The following XPO4 variants were observed in gnomAD, a reference collection of about 807,000 sequenced individuals.
The protein encoded by XPO4 is exportin-4.
In XPO4, 39 loss-of-function variants were observed where a neutral mutation model predicts 143.0. That is an observed-to-expected ratio of 0.27 (90% confidence interval 0.21 to 0.36). The LOEUF (loss-of-function observed/expected upper bound fraction) is 0.36, where lower values mean the gene tolerates loss of function less well. Ranked by LOEUF, XPO4 falls within the 10% of genes least tolerant of loss-of-function variation. The pLI is 1.00. For synonymous variants in XPO4, 439 were observed against 474.0 expected, an observed-to-expected ratio of 0.93 and a Z score of 0.96; for missense variants, 907 against 1,348.0, an observed-to-expected ratio of 0.67 and a Z score of 5.12.
chr13:20,855,047 TTATAA>T (rs1019829265), intron 4 of XPO4, among the ~76,000 whole-genome samples: 48 of 152,312 alleles, frequency 3.2e-4, no homozygotes, highest in African/African-American at 1.0e-3. Flanking sequence ...GCATATTAAC[TTATAA>T]TATTTTATAA....
chr13:20,816,821 C>T (rs1219143783), intron 9 of XPO4, among the ~76,000 whole-genome samples: 1 of 152,140 alleles, frequency 6.6e-6, no homozygotes, highest in Non-Finnish European at 1.5e-5. Flanking sequence ...TCTTTTAATA[C>T]GAATCTGTAT....
At chr13:20,886,677 A>G (rs562900389) in intron 1 of XPO4, among the ~76,000 whole-genome samples, 9 of 152,186 alleles carry the variant, frequency 5.9e-5, no homozygotes, top group Non-Finnish European at 1.0e-4. Flanking sequence ...TTTATTTGGA[A>G]TAACTAATAA....
At chr13:20,814,295 TAAAAGTATAACTA>T (rs58509355) in intron 9 of XPO4, among the ~76,000 whole-genome samples, 17,166 of 151,932 alleles carry the variant, frequency 0.11, 1,715 homozygotes, top group East Asian at 0.49. Context: ...TTCATATACA[TAAAAGTATAACTA>T]AAAAGTAAAA....
At chr13:20,901,053 G>A (rs2060616143) in intron 1 of XPO4, among the ~76,000 whole-genome samples, 1 of 152,178 alleles carries the variant, frequency 6.6e-6, no homozygotes, top group African/African-American at 2.4e-5. Context: ...GAGCCAGACA[G>A]AACTGAGTTC....
intron 7 of XPO4, among the ~76,000 whole-genome samples, chr13:20,825,885 C>T (rs183011527): frequency 1.3e-5 from 2 of 152,190 alleles, no homozygotes; most frequent in African/African-American, 4.8e-5. Context: ...TTTATATATA[C>T]CCATGGATAG....
chr13:20,832,753 C>A (rs763416583), intron 6 of XPO4, among the ~76,000 whole-genome samples: 1 of 152,162 alleles, frequency 6.6e-6, no homozygotes, highest in Admixed American at 6.6e-5. Context: ...GTCCAAGCAA[C>A]CACAAATCCT....
chr13:20,852,510 A>T, intron 4 of XPO4: 1 of 985,414 alleles, frequency 1.0e-6, no homozygotes. Flanking sequence ...AAATGACAAG[A>T]TTACCATTAT....
chr13:20,826,074 G>C (rs1454299682), intron 7 of XPO4, among the ~76,000 whole-genome samples: 1 of 152,080 alleles, frequency 6.6e-6, no homozygotes, highest in Non-Finnish European at 1.5e-5. Context: ...ATTTTTACTT[G>C]GGCTTCTGTC....
chr13:20,873,109 A>G lies in XPO4; in HGVS notation c.70-4408T>C, dbSNP rs551849441. On this transcript the variant is annotated intron_variant, in intron 1 of 22. Coordinates refer to ENST00000255305, the MANE Select transcript of XPO4 (RefSeq NM_022459.5). ...ACCATTCCAAGGATCTTCAAAAAAAAAAAAAAACAAGGATGGGAAAAAACT... is the reference window on the plus strand; with the variant it reads ...ACCATTCCAAGGATCTTCAAAAAAAGAAAAAAACAAGGATGGGAAAAAACT... Among the ~76,000 whole-genome samples the G allele has an allele frequency of 1.7e-3, 257 of 151,746 alleles. 2 individuals carry two copies. The highest frequency in any genetic ancestry group is 6.0e-3 in the African/African-American group (250 of 41,398).
chr13:20,853,134 C>A (rs1241427229), intron 4 of XPO4: 2 of 693,622 alleles, frequency 2.9e-6, no homozygotes, highest in African/African-American at 3.9e-5. Flanking sequence ...AGTTCGAGAC[C>A]AGCCTAGGCA....
intron 22 of XPO4, among the ~76,000 whole-genome samples, chr13:20,785,224 C>G (rs1163888814): frequency 6.6e-6 from 1 of 152,100 alleles, no homozygotes; most frequent in African/African-American, 2.4e-5. Context: ...ATGGTGAAAC[C>G]AAATGTTAAT....
intron 16 of XPO4, 50 bp downstream of exon 16, chr13:20,799,115 A>G: frequency 6.7e-7 from 1 of 1,495,544 alleles, no homozygotes; most frequent in Non-Finnish European, 9.0e-7. Flanking sequence ...TAGATAAAGG[A>G]ACTACAGAGT....
At chr13:20,878,713 G>A (rs758237534) in intron 1 of XPO4, among the ~76,000 whole-genome samples, 3 of 152,166 alleles carry the variant, frequency 2.0e-5, no homozygotes, top group African/African-American at 7.2e-5. Context: ...AAATGAGGTC[G>A]ACGAGGCAGG....
At chr13:20,869,381 G>T in intron 1 of XPO4, 1 of 327,526 alleles carries the variant, frequency 3.1e-6, no homozygotes, top group Non-Finnish European at 4.4e-6. Context: ...TTCTGAGCCA[G>T]ATCTACCTAA....
intron 9 of XPO4, among the ~76,000 whole-genome samples, chr13:20,810,699 C>T (rs1223390212): frequency 2.6e-5 from 4 of 152,240 alleles, no homozygotes; most frequent in African/African-American, 9.6e-5. Context: ...CTTCTTCTTG[C>T]CCAAAGCTCT....
chr13:20,902,717 G>T lies in XPO4; in HGVS notation c.22C>A (p.Pro8Thr). 6.4e-7 allele frequency: 1 copy of T among 1,558,432 alleles called. No homozygotes were observed. The highest frequency in any genetic ancestry group is 8.7e-7 in the Non-Finnish European group (1 of 1,151,420). The change falls in exon 1 of 23, where the codon CCC (proline) becomes ACC (threonine). Residue 8 changes from proline to threonine, a missense_variant. Physicochemically the swap from Pro to Thr is conservative, Grantham distance 38. Transcript: ENST00000255305. MMAAALG[P>T]PEVIAQLENA... ...TCCAGCTGAGCGATCACTTCTGGGGGCCCCAGCGCCGCCGCCATCATGGTC... is the reference window on the plus strand; with the variant it reads ...TCCAGCTGAGCGATCACTTCTGGGGTCCCCAGCGCCGCCGCCATCATGGTC...
chr13:20,853,438 C>G (rs73167452), intron 4 of XPO4, among the ~76,000 whole-genome samples: 1 of 151,716 alleles, frequency 6.6e-6, no homozygotes, highest in Non-Finnish European at 1.5e-5. Context: ...TTGGCTGAGC[C>G]CAGGAGACTG....
chr13:20,878,687 T>C (rs756745943), intron 1 of XPO4, among the ~76,000 whole-genome samples: 3 of 152,198 alleles, frequency 2.0e-5, no homozygotes, highest in Non-Finnish European at 4.4e-5. Context: ...TGTGAAGCCA[T>C]GATGGCCTCT....
At chr13:20,846,862 T>A (rs914195778) in intron 4 of XPO4, among the ~76,000 whole-genome samples, 22 of 152,070 alleles carry the variant, frequency 1.4e-4, no homozygotes, top group Non-Finnish European at 2.6e-4. Context: ...AAGAAAAAAA[T>A]TTAAAAACAA....
Sources: allele counts gnomAD v4.1 joint callset (sites outside exome capture counted in the v4.1 genomes callset), GRCh38; gene constraint gnomAD v4.1.1; transcripts MANE v1.5; gene names NCBI Gene and HGNC (gene_info 2026-07-23, HGNC 2026-07-21).